The following EML4 variants were observed in gnomAD, a reference collection of about 807,000 sequenced individuals.
EML4 encodes the protein echinoderm microtubule-associated protein-like 4.
EML4 carries 72 observed loss-of-function variants against 129.0 expected under a neutral mutation model. The ratio of observed to expected loss-of-function variants is 0.56; its 90% CI spans 0.46 to 0.68. The LOEUF (loss-of-function observed/expected upper bound fraction) is 0.68, where lower values mean the gene tolerates loss of function less well. EML4 is among the 30% of genes least tolerant of loss of function. The pLI, the probability that EML4 is intolerant of heterozygous loss-of-function variation, is 0.00. For synonymous variants in EML4, 532 were observed against 405.0 expected (o/e 1.31, Z -3.77); for missense variants, 1,363 against 1,190.6 (o/e 1.14, Z -2.13).
chr2:42,262,202 A>C (rs1204146786), intron 4 of EML4, among the ~76,000 whole-genome samples: 1 of 152,162 alleles, frequency 6.6e-6, no homozygotes, highest in African/African-American at 2.4e-5. Flanking sequence ...ATTTTGCCTC[A>C]AATCGCTAAT....
At chr2:42,257,355 A>G (rs1462537929) in intron 3 of EML4, among the ~76,000 whole-genome samples, 1 of 152,224 alleles carries the variant, frequency 6.6e-6, no homozygotes, top group Non-Finnish European at 1.5e-5. Flanking sequence ...CGTTTTCTTC[A>G]AAGAATGAGT....
Position 42,331,489 on chromosome 2 carries a change from C to T in EML4, c.*1282C>T, listed in dbSNP as rs550624336. Reference sequence around the variant, plus strand: ...AGTAATTACTGACAAATATGTATTTCCTATATGTTTATACTTTGATTATAA... The same window carrying T: ...AGTAATTACTGACAAATATGTATTTTCTATATGTTTATACTTTGATTATAA... On this transcript the variant is annotated 3_prime_UTR_variant, in exon 23 of 23. Coordinates refer to ENST00000318522, the MANE Select transcript of EML4 (RefSeq NM_019063.5). The T allele has an allele frequency of 9.0e-6, 2 of 223,298 alleles. No individual in the cohort carries two copies. Among genetic ancestry groups the T allele is most frequent in the Non-Finnish European group, 1.8e-5 (2 of 111,688 alleles). 13.8% of individuals were successfully genotyped at this position (223,298 alleles called of 1,614,324 possible). A position where few individuals can be genotyped will look rare whatever the true frequency, so the allele number is the denominator to read the frequency against.
At chr2:42,307,240 C>G (rs1668659545) in intron 17 of EML4, among the ~76,000 whole-genome samples, 1 of 152,144 alleles carries the variant, frequency 6.6e-6, no homozygotes, top group Non-Finnish European at 1.5e-5. Context: ...ATTTACATAG[C>G]TGTGAAGTCA....
At position 42,291,987 on chromosome 2, in the gene EML4, C is replaced by G. The variant is rs541286755; in HGVS notation, c.1219-3138C>G. ...ATCTTACGTGAAAAAGACAAAAATA[C>G]TAAGGTTGCTGAGGAGGCAAAGTAA... On this transcript the variant is annotated intron_variant, in intron 11 of 22. Coordinates refer to ENST00000318522, the MANE Select transcript of EML4 (RefSeq NM_019063.5). 2.0e-5 allele frequency among the ~76,000 whole-genome samples: 3 copies of G among 152,212 alleles called. No homozygotes were observed. In the South Asian group the frequency reaches 6.2e-4, roughly 32 times the overall value.
In EML4 at chr2:42,261,266, G is replaced by A. The variant is rs1312812816; in HGVS notation, c.484G>A (p.Glu162Lys). ...TCTCCAAATACACAGACAAACTCCA[G>A]AAAGCAAGAATGCTACTCCCACCAA... ...QPLQIHRQTP[E>K]SKNATPTKSI... is the part of the protein sequence containing the mutation. Residue 162 changes from glutamate to lysine, a missense_variant, in exon 4 of 23, where the codon GAA (glutamate) becomes AAA (lysine). Transcript: ENST00000318522. 6.2e-7 allele frequency: 1 copy of A among 1,613,554 alleles called. No homozygotes were observed. The highest frequency in any genetic ancestry group is 1.7e-5 in the Admixed American group (1 of 59,970).
In EML4 at chr2:42,318,220, T is replaced by C. The variant is rs77626733; in HGVS notation, c.2154+696T>C. ...TAGCACAGTGGTTAAGAGCACAGAC[T>C]CTGAGCCAGACTACCTGAATTTGAA... On this transcript the variant is annotated intron_variant, in intron 19 of 22. Transcript: ENST00000318522. 3.6e-3 allele frequency among the ~76,000 whole-genome samples: 554 copies of C among 152,310 alleles called. 1 individual carries two copies. The highest frequency in any genetic ancestry group is 6.8e-3 in the Middle Eastern group (2 of 294).
intron 1 of EML4, among the ~76,000 whole-genome samples, chr2:42,182,355 T>C (rs1670998795): frequency 6.9e-6 from 1 of 145,172 alleles, no homozygotes; most frequent in Non-Finnish European, 1.5e-5. Context: ...AGGTTCTGAT[T>C]GAACCTGTGC....
chr2:42,317,160 G>A (rs1258353568), intron 18 of EML4, among the ~76,000 whole-genome samples: 1 of 152,162 alleles, frequency 6.6e-6, no homozygotes, highest in Non-Finnish European at 1.5e-5. Context: ...TTCCACCCAA[G>A]AAGGCAGGAT....
chr2:42,245,193 C>G (rs967694753), intron 1 of EML4, among the ~76,000 whole-genome samples: 1 of 147,066 alleles, frequency 6.8e-6, no homozygotes, highest in African/African-American at 2.5e-5. Flanking sequence ...CTCCGGGGTT[C>G]ACATGATTCT....
At chr2:42,264,349 C>G (rs1182159115) in intron 5 of EML4, among the ~76,000 whole-genome samples, 1 of 151,872 alleles carries the variant, frequency 6.6e-6, no homozygotes, top group African/African-American at 2.4e-5. Flanking sequence ...AACTCCTGGG[C>G]TCAAACAATT....
intron 21 of EML4, among the ~76,000 whole-genome samples, chr2:42,328,338 C>G (rs1045046098): frequency 6.6e-6 from 1 of 152,134 alleles, no homozygotes; most frequent in Non-Finnish European, 1.5e-5. Flanking sequence ...TTTGACGTGT[C>G]TTATCTTGGG....
At chr2:42,187,372 C>A (rs760885509) in intron 1 of EML4, among the ~76,000 whole-genome samples, 37 of 152,116 alleles carry the variant, frequency 2.4e-4, no homozygotes, top group Non-Finnish European at 3.1e-4. Context: ...TAGAATTTCA[C>A]ATGACTGGGA....
At chr2:42,181,884 G>C (rs138188350) in intron 1 of EML4, among the ~76,000 whole-genome samples, 408 of 152,256 alleles carry the variant, frequency 2.7e-3, no homozygotes, top group African/African-American at 8.5e-3. Flanking sequence ...GTTGTGTTCA[G>C]TGCTGCTGGA....
At chr2:42,172,133 CAAGG>C (rs1437390085) in intron 1 of EML4, among the ~76,000 whole-genome samples, 25 of 151,914 alleles carry the variant, frequency 1.6e-4, no homozygotes, top group Middle Eastern at 6.8e-3. Context: ...CATTTATTCT[CAAGG>C]AAGTATGTGT....
chr2:42,234,679 G>T (rs1360262022), intron 1 of EML4, among the ~76,000 whole-genome samples: 2 of 152,222 alleles, frequency 1.3e-5, no homozygotes, highest in African/African-American at 4.8e-5. Context: ...TTCCTGTTGA[G>T]AGGACAGGGT....
chr2:42,227,637 A>G (rs1008737054), intron 1 of EML4, among the ~76,000 whole-genome samples: 10 of 152,186 alleles, frequency 6.6e-5, no homozygotes, highest in Admixed American at 3.3e-4. Flanking sequence ...GTCCACTTAT[A>G]TAAGGATTTT....
chr2:42,326,149 T>A lies in EML4; in HGVS notation c.2243-5T>A, dbSNP rs1669801196. ...TGATTATACTTCCTGTTTCTAAATT[T>A]AAAGGGGACATTCCAAATGGCTGCA... On this transcript the variant is annotated splice_polypyrimidine_tract_variant and splice_region_variant and intron_variant, in intron 20 of 22. Transcript: ENST00000318522. The A allele has an allele frequency of 6.2e-7, 1 of 1,611,818 alleles. No homozygotes were observed.
intron 6 of EML4, among the ~76,000 whole-genome samples, chr2:42,279,989 T>C (rs1053327162): frequency 1.6e-4 from 24 of 152,134 alleles, no homozygotes; most frequent in African/African-American, 5.3e-4. Context: ...TTGAGTTCCT[T>C]ATATATTTTT....
chr2:42,188,158 T>C (rs1210780804), intron 1 of EML4, among the ~76,000 whole-genome samples: 1 of 152,002 alleles, frequency 6.6e-6, no homozygotes, highest in Non-Finnish European at 1.5e-5. Context: ...TAGATGGAGT[T>C]CTGCACTCTG....
Sources: allele counts gnomAD v4.1 joint callset (sites outside exome capture counted in the v4.1 genomes callset), GRCh38; gene constraint gnomAD v4.1.1; transcripts MANE v1.5; gene names NCBI Gene and HGNC (gene_info 2026-07-23, HGNC 2026-07-21).